DPP10: variants seen among roughly 807,000 people sequenced by gnomAD.
DPP10 encodes dipeptidyl peptidase like 10.
In DPP10, 33 loss-of-function variants were observed where a neutral mutation model predicts 120.9. The ratio of observed to expected loss-of-function variants is 0.27; its 90% CI spans 0.21 to 0.37. The LOEUF (loss-of-function observed/expected upper bound fraction) is 0.37. Ranked by LOEUF, DPP10 falls within the 10% of genes least tolerant of loss-of-function variation. The pLI is 1.00. For synonymous variants in DPP10, 337 were observed against 326.1 expected, an observed-to-expected ratio of 1.03 and a Z score of -0.36; for missense variants, 816 against 942.8, an observed-to-expected ratio of 0.87 and a Z score of 1.76.
At chr2:115,574,603 A>G (rs911214711) in intron 5 of DPP10, among the ~76,000 whole-genome samples, 2 of 152,078 alleles carry the variant, frequency 1.3e-5, no homozygotes, top group Non-Finnish European at 1.5e-5. Flanking sequence ...AATTTGTACT[A>G]CCTCTAACTG....
intron 1 of DPP10, among the ~76,000 whole-genome samples, chr2:114,697,600 A>G (rs1382486651): frequency 6.6e-6 from 1 of 151,846 alleles, no homozygotes; most frequent in African/African-American, 2.4e-5. Context: ...AATATAATAA[A>G]TTAGCCAGGC....
chr2:115,054,065 C>T (rs1705708357), intron 1 of DPP10, among the ~76,000 whole-genome samples: 1 of 152,086 alleles, frequency 6.6e-6, no homozygotes, highest in Non-Finnish European at 1.5e-5. Context: ...ATTGTCATAG[C>T]TACAAGTAGG....
rs13422527 is a variant in DPP10 at position 114,682,484 on chromosome 2, C to G, written c.60+239646C>G. Among the ~76,000 whole-genome samples the G allele has an allele frequency of 8.6e-3, 1,308 of 151,872 alleles. 18 individuals are homozygous for G. The highest frequency in any genetic ancestry group is 0.03 in the African/African-American group (1,231 of 41,470). On this transcript the variant is annotated intron_variant, in intron 1 of 25. Transcript: ENST00000410059. ...ATATTAGTCACTGACAACTAATGAACTGTAAAACATTTTCTTATGCTTTCC... is the reference window on the plus strand; with the variant it reads ...ATATTAGTCACTGACAACTAATGAAGTGTAAAACATTTTCTTATGCTTTCC...
chr2:115,753,390 T>A (rs1678999299), intron 11 of DPP10, 93 bp downstream of exon 11: 6 of 1,249,832 alleles, frequency 4.8e-6, no homozygotes, highest in Non-Finnish European at 6.4e-6. Flanking sequence ...ACAAAAAAAA[T>A]TCAGTGTTTA....
At chr2:114,466,093 T>A (rs1679345649) in intron 1 of DPP10, among the ~76,000 whole-genome samples, 1 of 152,124 alleles carries the variant, frequency 6.6e-6, no homozygotes, top group Admixed American at 6.6e-5. Context: ...TTCCCACAAA[T>A]TCATCTATAA....
chr2:115,556,312 C>T (rs1417833284), intron 5 of DPP10, among the ~76,000 whole-genome samples: 2 of 150,282 alleles, frequency 1.3e-5, no homozygotes, highest in African/African-American at 4.9e-5. Context: ...GAATGCAGCC[C>T]AACACAAATT....
chr2:115,184,686 CTT>C (rs1351395721), intron 1 of DPP10, among the ~76,000 whole-genome samples: 2 of 152,210 alleles, frequency 1.3e-5, no homozygotes, highest in African/African-American at 4.8e-5. Context: ...CTGTTTATCT[CTT>C]TGCCCAATAC....
intron 1 of DPP10, among the ~76,000 whole-genome samples, chr2:114,477,371 T>C (rs1217622050): frequency 2.0e-5 from 3 of 152,126 alleles, no homozygotes; most frequent in Non-Finnish European, 4.4e-5. Context: ...TTGCAGTATA[T>C]TATTGAATTT....
chr2:115,011,869 G>A (rs1702290065), intron 1 of DPP10, among the ~76,000 whole-genome samples: 1 of 151,942 alleles, frequency 6.6e-6, no homozygotes. Flanking sequence ...CAATGGGGAG[G>A]TTCCTGGTCT....
In DPP10 at chr2:115,196,462, T is replaced by C. The variant is rs925816; in HGVS notation, c.61-112777T>C. Among the ~76,000 whole-genome samples the C allele has an allele frequency of 2.7e-3, 414 of 152,364 alleles. 2 individuals carry two copies. The highest frequency in any genetic ancestry group is 9.1e-3 in the African/African-American group (380 of 41,588). Reference sequence around the variant, plus strand: ...ATATGAAAGCATATTTTAAAATTACTATAAGACTATATTTATTTTAGATAC... The same window carrying C: ...ATATGAAAGCATATTTTAAAATTACCATAAGACTATATTTATTTTAGATAC... On this transcript the variant is annotated intron_variant, in intron 1 of 25. Coordinates refer to ENST00000410059, the MANE Select transcript of DPP10 (RefSeq NM_020868.6).
chr2:115,295,294 G>A (rs112233686), intron 1 of DPP10, among the ~76,000 whole-genome samples: 34 of 152,198 alleles, frequency 2.2e-4, no homozygotes, highest in African/African-American at 7.9e-4. Context: ...GAGCACAAAT[G>A]ATGTGAAATG....
intron 7 of DPP10, 26 bp downstream of exon 7, chr2:115,689,947 G>T: frequency 6.3e-7 from 1 of 1,591,930 alleles, no homozygotes; most frequent in South Asian, 1.1e-5. Context: ...GGTATGCACT[G>T]AACACTGCCA....
chr2:114,774,536 A>G (rs764912859), intron 1 of DPP10, among the ~76,000 whole-genome samples: 4 of 151,086 alleles, frequency 2.6e-5, no homozygotes, highest in Non-Finnish European at 5.9e-5. Context: ...CACTATCTTA[A>G]AATCAGGAGA....
chr2:115,334,153 G>A (rs2062946926), intron 2 of DPP10, among the ~76,000 whole-genome samples: 1 of 143,962 alleles, frequency 6.9e-6, no homozygotes, highest in Non-Finnish European at 1.5e-5. Flanking sequence ...ATGCCACACA[G>A]ATACTCCTCA....
At chr2:114,714,685 G>T (rs958566736) in intron 1 of DPP10, among the ~76,000 whole-genome samples, 2 of 152,000 alleles carry the variant, frequency 1.3e-5, no homozygotes, top group Non-Finnish European at 2.9e-5. Context: ...TATTTGTAAG[G>T]TTCTCTCTGG....
chr2:114,789,001 G>A (rs890395287), intron 1 of DPP10, among the ~76,000 whole-genome samples: 1 of 152,106 alleles, frequency 6.6e-6, no homozygotes, highest in South Asian at 2.1e-4. Flanking sequence ...GGTTAAAAAG[G>A]TTCACCATTA....
At chr2:114,630,028 TG>T (rs2105369451) in intron 1 of DPP10, among the ~76,000 whole-genome samples, 1 of 152,286 alleles carries the variant, frequency 6.6e-6, no homozygotes, top group South Asian at 2.1e-4. Flanking sequence ...TGTACGTATG[TG>T]TACATATATA....
intron 1 of DPP10, among the ~76,000 whole-genome samples, chr2:114,636,733 G>C (rs1052427727): frequency 3.3e-5 from 5 of 151,796 alleles, no homozygotes; most frequent in Admixed American, 6.6e-5. Flanking sequence ...GAGAATTTGG[G>C]GTACTATGAG....
chr2:115,184,449 T>C (rs1244308460), intron 1 of DPP10, among the ~76,000 whole-genome samples: 3 of 152,144 alleles, frequency 2.0e-5, no homozygotes, highest in African/African-American at 7.2e-5. Flanking sequence ...TTTCTTCTCT[T>C]TATTGGACTT....
Sources: gnomAD v4.1 joint callset for allele counts (sites outside exome capture counted in the v4.1 genomes callset) on GRCh38, gnomAD v4.1.1 for gene constraint, MANE v1.5 for transcripts, NCBI Gene and HGNC (gene_info 2026-07-23, HGNC 2026-07-21) for gene names.